Variants in ATP6V1H observed in about 807,000 individuals in gnomAD.
ATP6V1H encodes ATPase H+ transporting V1 subunit H, also known as V-type proton ATPase subunit H.
A neutral mutation model predicts 71.7 loss-of-function variants in ATP6V1H; 39 were observed. The observed-to-expected ratio is 0.54, with a 90% CI of 0.42 to 0.71. ATP6V1H has a LOEUF of 0.71. Among genes scored for constraint, ATP6V1H ranks in the 30% least tolerant of loss-of-function variants. ATP6V1H has a pLI of 0.00. For synonymous variants in ATP6V1H, 192 were observed against 199.3 expected (o/e 0.96, Z 0.31); for missense variants, 509 against 594.9 (o/e 0.86, Z 1.50).
At chr8:53,783,009 T>A (rs970886214) in intron 9 of ATP6V1H, among the ~76,000 whole-genome samples, 1 of 152,214 alleles carries the variant, frequency 6.6e-6, no homozygotes, top group African/African-American at 2.4e-5. Flanking sequence ...TTCTCTTTTT[T>A]TGTTGTGTCT....
At chr8:53,821,056 T>A (rs1363074655) in intron 4 of ATP6V1H, among the ~76,000 whole-genome samples, 1 of 131,762 alleles carries the variant, frequency 7.6e-6, no homozygotes, top group Non-Finnish European at 1.6e-5. Flanking sequence ...ACAAACAAAC[T>A]GCATCTCACC....
At chr8:53,750,702 A>G (rs1257754093) in intron 12 of ATP6V1H, among the ~76,000 whole-genome samples, 1 of 152,216 alleles carries the variant, frequency 6.6e-6, no homozygotes, top group Non-Finnish European at 1.5e-5. Context: ...TGCAAGAGAC[A>G]ACATTCTGAC....
chr8:53,747,076 A>C lies in ATP6V1H; in HGVS notation c.1278-3386T>G, dbSNP rs149646006. Among the ~76,000 whole-genome samples, 573 of 152,362 alleles carry C rather than the reference A, an allele frequency of 3.8e-3. 3 individuals are homozygous for C. Among genetic ancestry groups the C allele is most frequent in the African/African-American group, 0.013 (530 of 41,586 alleles). ...AGAGTAAACTTTTAAATATTCTAAA[A>C]CATACAGAACTATTTTTGTTTGTTC... On this transcript the variant is annotated intron_variant, in intron 12 of 13. Coordinates refer to ENST00000359530, the MANE Select transcript of ATP6V1H (RefSeq NM_015941.4).
intron 2 of ATP6V1H, chr8:53,839,760 AC>A: frequency 1.0e-6 from 1 of 985,404 alleles, no homozygotes; most frequent in Non-Finnish European, 1.2e-6. Flanking sequence ...GGGCTCTGGG[AC>A]ACACACTCCC....
intron 9 of ATP6V1H, among the ~76,000 whole-genome samples, chr8:53,774,869 TGA>T (rs1019944771): frequency 5.9e-5 from 9 of 151,910 alleles, no homozygotes; most frequent in Non-Finnish European, 1.0e-4. Flanking sequence ...GGCTAGAAAG[TGA>T]GAGGAGAAAT....
chr8:53,776,902 A>G (rs575137629), intron 9 of ATP6V1H, among the ~76,000 whole-genome samples: 1 of 152,346 alleles, frequency 6.6e-6, no homozygotes, highest in Admixed American at 6.5e-5. Context: ...AAAAACACAG[A>G]TCATTTGAAA....
intron 13 of ATP6V1H, among the ~76,000 whole-genome samples, chr8:53,724,857 GAA>G (rs201415994): frequency 7.4e-6 from 1 of 135,868 alleles, no homozygotes. Flanking sequence ...TTGTCTGCAA[GAA>G]AAAAAAAAAA....
chr8:53,829,195 A>T lies in ATP6V1H; in HGVS notation c.306+249T>A, dbSNP rs536696728. Among the ~76,000 whole-genome samples, 4 of 152,046 alleles carry T rather than the reference A, an allele frequency of 2.6e-5. No individual in the cohort carries two copies. In the East Asian group the frequency reaches 5.8e-4, roughly 22 times the overall value. On this transcript the variant is annotated intron_variant, in intron 4 of 13. Coordinates refer to ENST00000359530, the MANE Select transcript of ATP6V1H (RefSeq NM_015941.4). ...AAGCTTTGCTGGCGTTCAACAAAAA[A>T]CTCTGAGGTATCTCAGAAAAATATA...
chr8:53,813,998 G>A (rs535169674), intron 6 of ATP6V1H, among the ~76,000 whole-genome samples: 1 of 152,298 alleles, frequency 6.6e-6, no homozygotes, highest in East Asian at 1.9e-4. Flanking sequence ...GGAAGCACGG[G>A]AGGGACTTGG....
chr8:53,721,749 C>A (rs557166455), intron 13 of ATP6V1H, among the ~76,000 whole-genome samples: 5 of 152,294 alleles, frequency 3.3e-5, no homozygotes, highest in African/African-American at 1.2e-4. Flanking sequence ...TATTATTGTA[C>A]AGCTGGGAGA....
At chr8:53,793,860 A>T (rs1809644583) in intron 9 of ATP6V1H, among the ~76,000 whole-genome samples, 2 of 152,182 alleles carry the variant, frequency 1.3e-5, no homozygotes, top group Non-Finnish European at 2.9e-5. Context: ...AAACGCTTGA[A>T]TCCAGGAGGT....
intron 13 of ATP6V1H, among the ~76,000 whole-genome samples, chr8:53,720,081 G>A (rs1228568007): frequency 6.6e-6 from 1 of 152,154 alleles, no homozygotes; most frequent in African/African-American, 2.4e-5. Flanking sequence ...AATACATGAA[G>A]ATCAATACAA....
chr8:53,723,608 ACTC>A (rs1806701256), intron 13 of ATP6V1H, among the ~76,000 whole-genome samples: 1 of 152,002 alleles, frequency 6.6e-6, no homozygotes, highest in Non-Finnish European at 1.5e-5. Context: ...TTCATAACAG[ACTC>A]CAGCTGTCTG....
chr8:53,724,966 A>G (rs1806760831), intron 13 of ATP6V1H, among the ~76,000 whole-genome samples: 1 of 152,122 alleles, frequency 6.6e-6, no homozygotes, highest in Non-Finnish European at 1.5e-5. Context: ...GTAACAGCTT[A>G]CCTACAAACT....
intron 7 of ATP6V1H, chr8:53,806,964 C>A: frequency 2.4e-6 from 1 of 411,928 alleles, no homozygotes; most frequent in Non-Finnish European, 4.9e-6. Flanking sequence ...TAAGTTGGAC[C>A]ATCGTAGGGC....
intron 13 of ATP6V1H, among the ~76,000 whole-genome samples, chr8:53,731,879 C>T (rs967003625): frequency 2.6e-5 from 4 of 152,250 alleles, no homozygotes; most frequent in Non-Finnish European, 5.9e-5. Context: ...TGAGAGCGCT[C>T]CGGGGTAGGC....
At chr8:53,744,561 A>C (rs1807533283) in intron 12 of ATP6V1H, among the ~76,000 whole-genome samples, 1 of 152,194 alleles carries the variant, frequency 6.6e-6, no homozygotes, top group South Asian at 2.1e-4. Context: ...ACCTTAATGC[A>C]GTACAGTGTT....
intron 11 of ATP6V1H, among the ~76,000 whole-genome samples, chr8:53,768,577 AT>A (rs774105281): frequency 7.9e-5 from 12 of 152,226 alleles, no homozygotes; most frequent in Non-Finnish European, 1.3e-4. Flanking sequence ...ATGTGGTCTT[AT>A]CCACAACGGA....
Position 53,832,108 on chromosome 8 carries a change from C to T in ATP6V1H, c.216+876G>A, listed in dbSNP as rs1172380915. 10 of 152,132 alleles carry T rather than the reference C, an allele frequency of 6.6e-5. No individual in the cohort carries two copies. The East Asian group carries it at 1.9e-3, about 29-fold the overall frequency. The allele number at this position is 152,132 out of a possible 1,614,324, so 9.4% of individuals were successfully genotyped here. A position where few individuals can be genotyped will look rare whatever the true frequency, so the allele number is the denominator to read the frequency against. ...TTTAAATACCACAGAAATATCTTTACAGGCATAGTAGGGAAGGGAAGAATA... is the reference window on the plus strand; with the variant it reads ...TTTAAATACCACAGAAATATCTTTATAGGCATAGTAGGGAAGGGAAGAATA... On this transcript the variant is annotated intron_variant, in intron 3 of 13. Transcript: ENST00000359530.
Sources: gnomAD v4.1 joint callset for allele counts (sites outside exome capture counted in the v4.1 genomes callset) on GRCh38, gnomAD v4.1.1 for gene constraint, MANE v1.5 for transcripts, NCBI Gene and HGNC (gene_info 2026-07-23, HGNC 2026-07-21) for gene names.